WWOX: variants seen among roughly 807,000 people sequenced by gnomAD.
WWOX encodes the protein WW domain-containing oxidoreductase.
A neutral mutation model predicts 46.2 loss-of-function variants in WWOX; 69 were observed. The ratio of observed to expected loss-of-function variants is 1.49; its 90% confidence interval spans 1.23 to 1.82. WWOX has a LOEUF of 1.82. WWOX is among the 40% of genes most tolerant of loss of function. The pLI, the probability that WWOX is intolerant of heterozygous loss-of-function variation, is 0.00. For synonymous variants in WWOX, 359 were observed against 202.6 expected, an observed-to-expected ratio of 1.77 and a Z score of -6.56; for missense variants, 919 against 542.6, an observed-to-expected ratio of 1.69 and a Z score of -6.89.
At chr16:78,464,977 A>G (rs1597122663) in intron 8 of WWOX, among the ~76,000 whole-genome samples, 2 of 152,222 alleles carry the variant, frequency 1.3e-5, no homozygotes, top group Non-Finnish European at 2.9e-5. Context: ...GGCAGAAGGC[A>G]AAGGAGGAGC....
chr16:78,831,499 G>T (rs2151158143), intron 8 of WWOX, among the ~76,000 whole-genome samples: 1 of 152,262 alleles, frequency 6.6e-6, no homozygotes, highest in Admixed American at 6.5e-5. Flanking sequence ...GTATACACTG[G>T]TACCCTACGT....
intron 8 of WWOX, among the ~76,000 whole-genome samples, chr16:78,881,539 C>T (rs1282535306): frequency 1.3e-5 from 2 of 152,138 alleles, no homozygotes; most frequent in Non-Finnish European, 2.9e-5. Context: ...AGGATCCTTG[C>T]TGGAATAGTC....
At chr16:78,534,319 C>T (rs191583544) in intron 8 of WWOX, 2 of 152,248 alleles carry the variant, frequency 1.3e-5, no homozygotes, top group Admixed American at 6.5e-5. Context: ...CATATAGCTG[C>T]TCAAGAAATA....
At chr16:78,753,205 C>A (rs886259142) in intron 8 of WWOX, among the ~76,000 whole-genome samples, 4 of 152,056 alleles carry the variant, frequency 2.6e-5, no homozygotes, top group Non-Finnish European at 4.4e-5. Flanking sequence ...GAGGCTGAGA[C>A]AGGATAATGG....
chr16:78,463,143 T>C (rs2083991949), intron 8 of WWOX, among the ~76,000 whole-genome samples: 1 of 152,180 alleles, frequency 6.6e-6, no homozygotes, highest in African/African-American at 2.4e-5. Context: ...GATTTGGGGT[T>C]GGCATGCCAG....
rs182275391 is a variant in WWOX at position 78,740,109 on chromosome 16, C to A, written c.1056+307357C>A. 2.3e-3 allele frequency among the ~76,000 whole-genome samples: 343 copies of A among 152,226 alleles called. 2 individuals are homozygous for A. The highest frequency in any genetic ancestry group is 7.8e-3 in the African/African-American group (324 of 41,542). On this transcript the variant is annotated intron_variant, in intron 8 of 8. Transcript: ENST00000566780. ...TGCTTTGGTCCCTTCTCTGCATTCG[C>A]CCCATGCCATGTAGCACTGCTGAGT...
At chr16:78,150,717 G>C (rs1436162344) in intron 4 of WWOX, among the ~76,000 whole-genome samples, 2 of 152,100 alleles carry the variant, frequency 1.3e-5, no homozygotes, top group African/African-American at 2.4e-5. Context: ...GTTACCCTAG[G>C]CATGATTACT....
intron 8 of WWOX, among the ~76,000 whole-genome samples, chr16:78,981,218 G>A (rs994293808): frequency 9.2e-5 from 14 of 152,196 alleles, no homozygotes; most frequent in African/African-American, 3.4e-4. Context: ...CATCAGAAAT[G>A]GCTTTGCCCA....
intron 8 of WWOX, among the ~76,000 whole-genome samples, chr16:78,660,375 A>G (rs1397595586): frequency 6.6e-6 from 1 of 152,122 alleles, no homozygotes; most frequent in Non-Finnish European, 1.5e-5. Context: ...GGGAAACAGA[A>G]GGAAATTGGA....
intron 8 of WWOX, among the ~76,000 whole-genome samples, chr16:78,784,848 G>A (rs2050415932): frequency 6.6e-6 from 1 of 152,142 alleles, no homozygotes; most frequent in Non-Finnish European, 1.5e-5. Context: ...CATGGTTGAA[G>A]GTGTCTATGT....
At position 78,223,238 on chromosome 16, in the gene WWOX, T is replaced by C. The variant is rs548918629; in HGVS notation, c.516+58949T>C. On this transcript the variant is annotated intron_variant, in intron 5 of 8. Transcript: ENST00000566780. Reference sequence around the variant, plus strand: ...CTGGAGATATTTGGGTTGTCATATCTTGGAGGAGAATAGGCTGCTATTAGC... The same window carrying C: ...CTGGAGATATTTGGGTTGTCATATCCTGGAGGAGAATAGGCTGCTATTAGC... Among the ~76,000 whole-genome samples, 2 of 152,198 alleles carry C rather than the reference T, an allele frequency of 1.3e-5. 1 individual carries two copies. The highest frequency in any genetic ancestry group is 3.9e-4 in the East Asian group (2 of 5,178).
chr16:78,626,097 G>C (rs1226398965), intron 8 of WWOX, among the ~76,000 whole-genome samples: 1 of 151,212 alleles, frequency 6.6e-6, no homozygotes, highest in Admixed American at 6.6e-5. Flanking sequence ...ACTTTTTTGT[G>C]TTCCAGGAGC....
intron 8 of WWOX, among the ~76,000 whole-genome samples, chr16:78,966,677 A>G (rs889678760): frequency 6.6e-6 from 1 of 152,206 alleles, no homozygotes; most frequent in African/African-American, 2.4e-5. Flanking sequence ...CAGAAGTAAG[A>G]TCACTGAGTC....
chr16:78,803,318 G>A (rs909174854), intron 8 of WWOX, among the ~76,000 whole-genome samples: 1 of 151,908 alleles, frequency 6.6e-6, no homozygotes, highest in Non-Finnish European at 1.5e-5. Flanking sequence ...TATTTATTTG[G>A]CCAGAAAGTC....
chr16:79,182,020 C>A (rs886670286), intron 8 of WWOX, among the ~76,000 whole-genome samples: 1 of 152,118 alleles, frequency 6.6e-6, no homozygotes, highest in Non-Finnish European at 1.5e-5. Flanking sequence ...GATTCTGCAG[C>A]AGACAGGTTA....
intron 8 of WWOX, among the ~76,000 whole-genome samples, chr16:78,868,934 C>T (rs756640999): frequency 2.0e-5 from 3 of 152,058 alleles, no homozygotes; most frequent in African/African-American, 7.2e-5. Flanking sequence ...AACACACCTG[C>T]GTGCAAACGT....
chr16:78,802,799 C>G (rs996373806), intron 8 of WWOX, among the ~76,000 whole-genome samples: 1 of 150,566 alleles, frequency 6.6e-6, no homozygotes, highest in Non-Finnish European at 1.5e-5. Flanking sequence ...GCCTGTAATC[C>G]CAGCTACATG....
At chr16:78,757,261 G>A (rs968021775) in intron 8 of WWOX, among the ~76,000 whole-genome samples, 1 of 152,204 alleles carries the variant, frequency 6.6e-6, no homozygotes, top group Non-Finnish European at 1.5e-5. Context: ...CATTCAAAGA[G>A]TCTAAACCAT....
chr16:78,692,011 C>G (rs561955671), intron 8 of WWOX, among the ~76,000 whole-genome samples: 3 of 152,148 alleles, frequency 2.0e-5, no homozygotes, highest in African/African-American at 7.2e-5. Flanking sequence ...TTTCTCTTGC[C>G]ACTGCCATGT....
Sources: allele counts gnomAD v4.1 joint callset (sites outside exome capture counted in the v4.1 genomes callset), GRCh38; gene constraint gnomAD v4.1.1; transcripts MANE v1.5; gene names NCBI Gene and HGNC (gene_info 2026-07-23, HGNC 2026-07-21).